BDH2: variants seen among roughly 807,000 people sequenced by gnomAD.
BDH2 encodes 3-hydroxybutyrate dehydrogenase 2.
Under a neutral mutation model 33.2 loss-of-function variants are expected in BDH2, and 24 were observed. The observed-to-expected ratio is 0.72, with a 90% CI of 0.52 to 1.02. BDH2 has a LOEUF of 1.02. BDH2 is among the 50% of genes least tolerant of loss of function. The pLI is 0.00. For missense variants in BDH2, 249 were observed against 301.6 expected (o/e 0.83, Z 1.29); for synonymous variants, 81 against 101.6 (o/e 0.80, Z 1.22).
chr4:103,082,122 C>A lies in BDH2; in HGVS notation c.643G>T (p.Glu215Ter). 6.2e-7 allele frequency: 1 copy of A among 1,614,196 alleles called. No individual in the cohort carries two copies. Residue 215 changes from glutamate (E) to a stop codon, truncating the protein, a stop_gained, in exon 9 of 10, where the codon GAA becomes TAA. Coordinates refer to ENST00000296424, the MANE Select transcript of BDH2 (RefSeq NM_020139.4). LOFTEE classifies it high-confidence loss of function. ...TACACGCAGAGCATGGCTATTTCTT[C>A]TGCAGTTGCGAATCTTCCCGTCTTT... ...RQKTGRFATA[E>*]EIAMLCVYLA...
rs764462772 is a variant in BDH2 at position 103,088,739 on chromosome 4, T to G, written c.358-2199A>C. ...TAGTCTTACTCTGACCCAGCCCTTC[T>G]GTCTCCATTGGCCAGAGCTCAGCCC... On this transcript the variant is annotated intron_variant, in intron 5 of 9. Transcript: ENST00000296424. Among the ~76,000 whole-genome samples the G allele has an allele frequency of 3.4e-4, 51 of 152,222 alleles. 1 individual carries two copies. The highest frequency in any genetic ancestry group is 5.0e-4 in the Non-Finnish European group (34 of 68,040).
chr4:103,091,988 G>A (rs1428501105), intron 4 of BDH2, among the ~76,000 whole-genome samples: 1 of 152,192 alleles, frequency 6.6e-6, no homozygotes, highest in Non-Finnish European at 1.5e-5. Flanking sequence ...AACCCGTAAA[G>A]TAGCTTTCAC....
chr4:103,079,866 G>A (rs1747423678), intron 9 of BDH2, 111 bp from the exon 10 acceptor site: 2 of 980,832 alleles, frequency 2.0e-6, no homozygotes, highest in South Asian at 2.9e-5. Context: ...TGTCCTAACA[G>A]GAAACCTCAC....
At chr4:103,081,740 A>T (rs1252804951) in intron 9 of BDH2, among the ~76,000 whole-genome samples, 1 of 152,184 alleles carries the variant, frequency 6.6e-6, no homozygotes, top group African/African-American at 2.4e-5. Flanking sequence ...GAGCTCTTAT[A>T]ATCCTGGAGG....
chr4:103,082,756 C>T (rs1251325293), intron 8 of BDH2, 115 bp downstream of exon 8: 1 of 915,930 alleles, frequency 1.1e-6, no homozygotes, highest in East Asian at 2.4e-5. Flanking sequence ...TCCCTCCTTC[C>T]AAGCCCCTGG....
chr4:103,086,277 C>T lies in BDH2; in HGVS notation c.418+203G>A, dbSNP rs997077689. 55 of 1,309,696 alleles carry T rather than the reference C, an allele frequency of 4.2e-5. No homozygotes were observed. In the African/African-American group the frequency reaches 5.6e-4, roughly 13 times the overall value. 81.1% of individuals were successfully genotyped at this position (1,309,696 alleles called of 1,614,324 possible). A position where few individuals can be genotyped will look rare whatever the true frequency, so the allele number is the denominator to read the frequency against. On this transcript the variant is annotated intron_variant, in intron 6 of 9. Coordinates refer to ENST00000296424, the MANE Select transcript of BDH2 (RefSeq NM_020139.4). ...TAAAAGGGAGGGCAAAAATACCCCA[C>T]ATTTTAATTTAATTTTACCACTGGC... is the stretch of plus-strand genomic sequence containing the variant.
intron 6 of BDH2, 122 bp downstream of exon 6, chr4:103,086,358 A>T: frequency 7.2e-7 from 1 of 1,384,928 alleles, no homozygotes; most frequent in Non-Finnish European, 9.4e-7. Context: ...TTTTGAAAAA[A>T]GCAGTTTTGA....
chr4:103,093,997 C>G (rs1748239283), intron 3 of BDH2, among the ~76,000 whole-genome samples: 1 of 151,972 alleles, frequency 6.6e-6, no homozygotes, highest in Non-Finnish European at 1.5e-5. Context: ...ATTATGTAAC[C>G]TGTTCTATTT....
intron 5 of BDH2, among the ~76,000 whole-genome samples, chr4:103,089,710 T>C (rs1007516465): frequency 8.5e-5 from 13 of 152,194 alleles, no homozygotes; most frequent in Non-Finnish European, 1.6e-4. Flanking sequence ...GACCTAAGCT[T>C]TCCTCCTATA....
At chr4:103,095,092 G>T in intron 3 of BDH2, 111 bp downstream of exon 3, 1 of 744,630 alleles carries the variant, frequency 1.3e-6, no homozygotes, top group Non-Finnish European at 2.2e-6. Context: ...AATCTAAAAA[G>T]CACGGCAGTG....
intron 7 of BDH2, 28 bp from the exon 8 acceptor site, chr4:103,082,957 G>A (rs1488247490): frequency 6.3e-7 from 1 of 1,585,458 alleles, no homozygotes; most frequent in East Asian, 2.2e-5. Flanking sequence ...ATTCAGCTTG[G>A]TTACTCACTT....
At chr4:103,098,093 G>A (rs978781092) in intron 1 of BDH2, among the ~76,000 whole-genome samples, 2 of 152,098 alleles carry the variant, frequency 1.3e-5, no homozygotes, top group South Asian at 2.1e-4. Flanking sequence ...GATCAGATTC[G>A]TATTTTGGAA....
At position 103,086,503 on chromosome 4, in the gene BDH2, G is replaced by T; in HGVS notation, c.395C>A (p.Ser132Tyr). Residue 132 changes from serine to tyrosine, a missense_variant, in exon 6 of 10, where the codon TCT becomes TAT. Transcript: ENST00000296424. Reference sequence around the variant, plus strand: ...ACCTTTGACGCTGGAAGCCACAGAAGACATGTTGATAATATTGCCAGATTT... The same window carrying T: ...ACCTTTGACGCTGGAAGCCACAGAATACATGTTGATAATATTGCCAGATTT... ...AQKSGNIINMSSVASSVKGVV... is the reference protein window; with the variant it reads ...AQKSGNIINMYSVASSVKGVV... 1 of 1,611,518 alleles carries T rather than the reference G, an allele frequency of 6.2e-7. No individual in the cohort carries two copies. The highest frequency in any genetic ancestry group is 8.5e-7 in the Non-Finnish European group (1 of 1,179,358).
intron 6 of BDH2, chr4:103,085,776 T>A: frequency 7.5e-7 from 1 of 1,328,030 alleles, no homozygotes; most frequent in Non-Finnish European, 9.8e-7. Context: ...TGAAGATTAA[T>A]AACAAAACAA....
chr4:103,094,285 T>C (rs1748253524), intron 3 of BDH2, among the ~76,000 whole-genome samples: 1 of 152,174 alleles, frequency 6.6e-6, no homozygotes, highest in Non-Finnish European at 1.5e-5. Flanking sequence ...AAAGATTTAG[T>C]ATGAAAATAT....
chr4:103,096,281 A>T lies in BDH2; in HGVS notation c.-20-7T>A, dbSNP rs779958283. The T allele has an allele frequency of 6.3e-7, 1 of 1,588,624 alleles. No individual in the cohort carries two copies. Among genetic ancestry groups the T allele is most frequent in the East Asian group, 2.2e-5 (1 of 44,736 alleles). On this transcript the variant is annotated splice_region_variant and splice_polypyrimidine_tract_variant and intron_variant, in intron 1 of 9. Transcript: ENST00000296424. ...ATGGAACCTGTGGTTTAATCTAAAGACATGTGTGTTTAATGGGTTATACTG... is the reference window on the plus strand; with the variant it reads ...ATGGAACCTGTGGTTTAATCTAAAGTCATGTGTGTTTAATGGGTTATACTG...
intron 1 of BDH2, 91 bp from the exon 2 acceptor site, chr4:103,096,365 T>A: frequency 1.3e-6 from 1 of 770,802 alleles, no homozygotes; most frequent in Non-Finnish European, 2.1e-6. Context: ...TGTGCTCTTT[T>A]AAGAATAATT....
rs766706306 is a variant in BDH2 at position 103,086,528 on chromosome 4, T to C, written c.370A>G (p.Lys124Glu). The change falls in exon 6 of 10, where the codon AAA (lysine) becomes GAA (glutamate). Residue 124 changes from lysine to glutamate, a missense_variant. Lys to Glu is a moderately conservative substitution (Grantham distance 56). Coordinates refer to ENST00000296424, the MANE Select transcript of BDH2 (RefSeq NM_020139.4). ...GACATGTTGATAATATTGCCAGATT[T>C]CTGAGCAAGCATCTGCCAAAACAAA... ...KAFLPKMLAQ[K>E]SGNIINMSSV... 1 of 1,610,070 alleles carries C rather than the reference T, an allele frequency of 6.2e-7. No individual in the cohort carries two copies. Among genetic ancestry groups the C allele is most frequent in the Admixed American group, 1.7e-5 (1 of 59,540 alleles).
intron 3 of BDH2, 60 bp downstream of exon 3, chr4:103,095,143 C>T (rs1326431718): frequency 6.6e-6 from 9 of 1,370,592 alleles, no homozygotes; most frequent in Non-Finnish European, 9.3e-6. Flanking sequence ...CATGTGAGCG[C>T]CATGCTTTAT....
Sources: allele counts gnomAD v4.1 joint callset (sites outside exome capture counted in the v4.1 genomes callset), GRCh38; gene constraint gnomAD v4.1.1; transcripts MANE v1.5; gene names NCBI Gene and HGNC (gene_info 2026-07-23, HGNC 2026-07-21).